The following FBXO2 variants were observed in gnomAD, a reference collection of about 807,000 sequenced individuals.
The protein encoded by FBXO2 is F-box only protein 2.
FBXO2 carries 32 observed loss-of-function variants against 38.6 expected under a neutral mutation model. The ratio of observed to expected loss-of-function variants is 0.83; its 90% CI spans 0.62 to 1.11. The LOEUF (loss-of-function observed/expected upper bound fraction) is 1.11, where lower values mean the gene tolerates loss of function less well. Among genes scored for constraint, FBXO2 ranks in the 50% most tolerant of loss-of-function variants. FBXO2 has a pLI of 0.00. For synonymous variants in FBXO2, 189 were observed against 182.9 expected (o/e 1.03, Z -0.27); for missense variants, 450 against 418.3 (o/e 1.08, Z -0.66).
At chr1:11,649,473 G>A in intron 4 of FBXO2, 1 of 592,260 alleles carries the variant, frequency 1.7e-6, no homozygotes, top group Non-Finnish European at 3.0e-6. Flanking sequence ...CCAGCTTGGG[G>A]CCAAAGCCAG....
chr1:11,648,966 A>G lies in FBXO2; in HGVS notation c.756+121T>C, dbSNP rs1639464886. Reference sequence around the variant, plus strand: ...TCAGAACTCTCTCCACCACCCGGTGACTATCTCAGCCCAGCCCAGCCCAGC... The same window carrying G: ...TCAGAACTCTCTCCACCACCCGGTGGCTATCTCAGCCCAGCCCAGCCCAGC... On this transcript the variant is annotated intron_variant, in intron 5 of 5. Transcript: ENST00000354287. This position sits in a 1 kb window ranked among gnomAD's most constrained non-coding sequence, Gnocchi z 4.2. 8.7e-7 allele frequency: 1 copy of G among 1,146,560 alleles called. No homozygotes were observed. The highest frequency in any genetic ancestry group is 2.5e-5 in the Admixed American group (1 of 39,768). The allele number at this position is 1,146,560 out of a possible 1,614,324, so 71.0% of individuals were successfully genotyped here.
chr1:11,652,551 A>T (rs1341702053), intron 1 of FBXO2, among the ~76,000 whole-genome samples: 2 of 152,240 alleles, frequency 1.3e-5, no homozygotes, highest in Non-Finnish European at 2.9e-5. Context: ...CTTGCATCCC[A>T]GTCGGCTTCA....
rs1326909543 is a variant in FBXO2 at position 11,649,929 on chromosome 1, AC to A, written c.521+15del. On this transcript the variant is annotated intron_variant, in intron 3 of 5. Transcript: ENST00000354287. ...ACGCTCCCCCCTTCCCACCTCCTCCACCCCCTTCTCCTTACTCAAAGGAGGA... is the reference window on the plus strand; with the variant it reads ...ACGCTCCCCCCTTCCCACCTCCTCCACCCCTTCTCCTTACTCAAAGGAGGA... The A allele has an allele frequency of 5.0e-6, 8 of 1,612,996 alleles. No individual in the cohort carries two copies. Among genetic ancestry groups the A allele is most frequent in the Non-Finnish European group, 3.4e-6 (4 of 1,179,770 alleles).
intron 1 of FBXO2, among the ~76,000 whole-genome samples, chr1:11,651,294 T>C (rs1639517505): frequency 6.6e-6 from 1 of 152,186 alleles, no homozygotes; most frequent in Non-Finnish European, 1.5e-5. Flanking sequence ...GGTGTGATCC[T>C]GTGATAAACG....
chr1:11,649,099 C>A lies in FBXO2; in HGVS notation c.744G>T (p.Gly248=). 6.3e-7 allele frequency: 1 copy of A among 1,597,510 alleles called. No homozygotes were observed. The highest frequency in any genetic ancestry group is 8.5e-7 in the Non-Finnish European group (1 of 1,173,024). The change falls in exon 5 of 6, where the codon GGG becomes GGT. Residue 248 remains glycine (G), a synonymous_variant. Coordinates refer to ENST00000354287, the MANE Select transcript of FBXO2 (RefSeq NM_012168.6). ...CCCCCAGGCTCACCTCCATCCAGCC[C>A]CCGCCGTCACTGTCTTGGGGCACTG... ...QVAVPQDSDG[G]GWMEISHTFT...
intron 4 of FBXO2, 127 bp downstream of exon 4, chr1:11,649,652 G>A (rs533202602): frequency 8.5e-5 from 77 of 910,590 alleles, no homozygotes; most frequent in Non-Finnish European, 1.1e-4. Flanking sequence ...TTGCAGACCC[G>A]TGGCCCACGT....
Position 11,650,853 on chromosome 1 carries a change from G to A in FBXO2, c.23-19C>T. On this transcript the variant is annotated intron_variant, in intron 1 of 5. Coordinates refer to ENST00000354287, the MANE Select transcript of FBXO2 (RefSeq NM_012168.6). ...ACGCTCTCTGCAGGCAGGGATGGGT[G>A]GGAGGCTGTGATTCCTCCACCCTGT... 1 of 1,556,806 alleles carries A rather than the reference G, an allele frequency of 6.4e-7. No individual in the cohort carries two copies.
chr1:11,650,690 A>G lies in FBXO2; in HGVS notation c.167T>C (p.Leu56Pro). 1 of 1,534,934 alleles carries G rather than the reference A, an allele frequency of 6.5e-7. No individual in the cohort carries two copies. Among genetic ancestry groups the G allele is most frequent in the Non-Finnish European group, 8.7e-7 (1 of 1,146,266 alleles). The change falls in exon 2 of 6, where the codon CTG (leucine) becomes CCG (proline). Residue 56 changes from leucine (L) to proline (P), a missense_variant. Physicochemically the swap from Leu to Pro is moderately conservative, Grantham distance 98. Transcript: ENST00000354287. ...YLDELPEPLL[L>P]RVLAALPAAE... is the part of the protein sequence containing the mutation. Reference sequence around the variant, plus strand: ...GGCCGGCAGTGCGGCCAGCACGCGCAGCAGCAGCGGCTCGGGCAGCTCGTC... The same window carrying G: ...GGCCGGCAGTGCGGCCAGCACGCGCGGCAGCAGCGGCTCGGGCAGCTCGTC...
rs1639505626 is a variant in FBXO2, at chr1:11,650,728, G to GGCGGCGGCC, written c.128_129insGGCCGCCGC (p.Ala43_Ala45dup). The stretch of plus-strand genomic sequence containing the variant: ...CGGGCAGCTCGTCCAGGTACGCGGC[G>GGCGGCGGCC]GCGGCCGCCGCCTCCTCCTCCTGCT... On this transcript the variant is annotated inframe_insertion, in exon 2 of 6. Coordinates refer to ENST00000354287, the MANE Select transcript of FBXO2 (RefSeq NM_012168.6). The GGCGGCGGCC allele has an allele frequency of 6.5e-7, 1 of 1,528,706 alleles. No individual in the cohort carries two copies. Among genetic ancestry groups the GGCGGCGGCC allele is most frequent in the African/African-American group, 1.4e-5 (1 of 71,224 alleles). 94.7% of individuals were successfully genotyped at this position (1,528,706 alleles called of 1,614,324 possible).
In FBXO2 at chr1:11,648,712, G is replaced by A. The variant is rs1326425882; in HGVS notation, c.873C>T (p.Ser291=). ...GGGTCGCTCAGGGTTCTACCCACAC[G>A]CTGCTGTTGGTCACCCGGGCCCCGA... The part of the protein sequence containing the change: ...GWFGARVTNS[S]VWVEP The change falls in exon 6 of 6, where the codon AGC becomes AGT. Residue 291 remains serine, a synonymous_variant. Coordinates refer to ENST00000354287, the MANE Select transcript of FBXO2 (RefSeq NM_012168.6). The surrounding 1 kb of genome is among the most constrained non-coding windows in gnomAD (Gnocchi z 4.2). The A allele has an allele frequency of 6.8e-6, 11 of 1,613,402 alleles. No homozygotes were observed. The highest frequency in any genetic ancestry group is 9.3e-6 in the Non-Finnish European group (11 of 1,180,034).
At chr1:11,654,245 C>T in intron 1 of FBXO2, 74 bp downstream of exon 1, 1 of 1,449,232 alleles carries the variant, frequency 6.9e-7, no homozygotes, top group Non-Finnish European at 9.1e-7. Context: ...CTCTCTGACG[C>T]CCCTCTGTGC....
chr1:11,649,395 G>A (rs1485064437), intron 4 of FBXO2, 170 bp from the exon 5 acceptor site: 7 of 639,768 alleles, frequency 1.1e-5, no homozygotes, highest in African/African-American at 3.7e-5. Flanking sequence ...TAAGGGAAAC[G>A]AGGCCAGCAA....
Position 11,654,413 on chromosome 1 carries a change from C to T in FBXO2, c.-73G>A, listed in dbSNP as rs1240898391. On this transcript the variant is annotated 5_prime_UTR_variant, in exon 1 of 6. Coordinates refer to ENST00000354287, the MANE Select transcript of FBXO2 (RefSeq NM_012168.6). ...GCGCGAGTCCCGGGGCGGCGAGTCCCGGCGCTGTCCGCGTCTGTGTCGGTC... is the reference window on the plus strand; with the variant it reads ...GCGCGAGTCCCGGGGCGGCGAGTCCTGGCGCTGTCCGCGTCTGTGTCGGTC... 1.5e-6 allele frequency: 2 copies of T among 1,311,728 alleles called. No homozygotes were observed. Among genetic ancestry groups the T allele is most frequent in the African/African-American group, 1.6e-5 (1 of 64,508 alleles). 81.3% of individuals were successfully genotyped at this position (1,311,728 alleles called of 1,614,324 possible). A position where few individuals can be genotyped will look rare whatever the true frequency, so the allele number is the denominator to read the frequency against.
chr1:11,654,137 C>T (rs1013492450), intron 1 of FBXO2, 182 bp downstream of exon 1: 8 of 618,016 alleles, frequency 1.3e-5, no homozygotes, highest in East Asian at 3.5e-5. Flanking sequence ...CAAGGCCTCC[C>T]GCCAGACCAA....
chr1:11,651,633 A>T (rs1639521534), intron 1 of FBXO2, among the ~76,000 whole-genome samples: 2 of 152,210 alleles, frequency 1.3e-5, no homozygotes, highest in African/African-American at 2.4e-5. Flanking sequence ...GCCTGGCTCC[A>T]GAGCCATCTT....
chr1:11,654,252 G>T, intron 1 of FBXO2, 67 bp downstream of exon 1: 2 of 1,472,658 alleles, frequency 1.4e-6, no homozygotes, highest in Non-Finnish European at 1.8e-6. Flanking sequence ...ACGCCCCTCT[G>T]TGCAGCGCTC....
intron 1 of FBXO2, 42 bp from the exon 2 acceptor site, chr1:11,650,876 T>G (rs1408443443): frequency 1.3e-6 from 2 of 1,553,208 alleles, no homozygotes; most frequent in Non-Finnish European, 1.7e-6. Flanking sequence ...TCCTCCACCC[T>G]GTACTCCTCC....
Position 11,648,427 on chromosome 1 carries a change from G to T in FBXO2, c.*267C>A. On this transcript the variant is annotated 3_prime_UTR_variant, in exon 6 of 6. Transcript: ENST00000354287. This position sits in a 1 kb window ranked among gnomAD's most constrained non-coding sequence, Gnocchi z 4.2. ...ATATTTATTGAGAGCCCACTTTGTG[G>T]CAAGCACTGTGCTAGGTGCAGGGAA... is the stretch of plus-strand genomic sequence containing the variant. 2.1e-6 allele frequency: 1 copy of T among 465,446 alleles called. No homozygotes were observed. Among genetic ancestry groups the T allele is most frequent in the East Asian group, 3.2e-5 (1 of 31,304 alleles). The allele number at this position is 465,446 out of a possible 1,614,324, so 28.8% of individuals were successfully genotyped here. A position where few individuals can be genotyped will look rare whatever the true frequency, so the allele number is the denominator to read the frequency against.
At chr1:11,652,654 G>A (rs1422680790) in intron 1 of FBXO2, among the ~76,000 whole-genome samples, 3 of 152,210 alleles carry the variant, frequency 2.0e-5, no homozygotes, top group Non-Finnish European at 4.4e-5. Flanking sequence ...GGCCACTCTG[G>A]GTGATCAGGA....
Sources: gnomAD v4.1 joint callset for allele counts (sites outside exome capture counted in the v4.1 genomes callset) on GRCh38, gnomAD v4.1.1 for gene constraint, Gnocchi (gnomAD v3.1) non-coding constraint, MANE v1.5 for transcripts, NCBI Gene and HGNC (gene_info 2026-07-23, HGNC 2026-07-21) for gene names.